MAN1C1: variants seen among roughly 807,000 people sequenced by gnomAD.
MAN1C1 encodes mannosidase alpha class 1C member 1.
MAN1C1 carries 49 observed loss-of-function variants against 71.5 expected under a neutral mutation model. The observed-to-expected ratio is 0.69, with a 90% confidence interval of 0.54 to 0.87. The LOEUF is 0.87. Ranked by LOEUF, MAN1C1 falls within the 40% of genes least tolerant of loss-of-function variation. The pLI is 0.00. For synonymous variants in MAN1C1, 352 were observed against 343.7 expected, an observed-to-expected ratio of 1.02 and a Z score of -0.27; for missense variants, 743 against 835.0, an observed-to-expected ratio of 0.89 and a Z score of 1.36.
intron 2 of MAN1C1, among the ~76,000 whole-genome samples, chr1:25,733,760 C>T (rs1323618244): frequency 6.6e-6 from 1 of 152,010 alleles, no homozygotes; most frequent in Non-Finnish European, 1.5e-5. Flanking sequence ...AAGAGGGGGA[C>T]AATGAGTTTT....
intron 2 of MAN1C1, among the ~76,000 whole-genome samples, chr1:25,732,939 G>A (rs1458892169): frequency 6.6e-6 from 1 of 152,152 alleles, no homozygotes; most frequent in East Asian, 1.9e-4. Flanking sequence ...GGCCGTGTTT[G>A]CCATGATCAA....
Position 25,709,119 on chromosome 1 carries a change from G to C in MAN1C1, c.637+22583G>C, listed in dbSNP as rs149419834. ...GGCACTAAGCCAGGGAGGGTTGAAG[G>C]GGGTGGAAGATCATCAGGGAGAGAG... is the stretch of plus-strand genomic sequence containing the variant. On this transcript the variant is annotated intron_variant, in intron 2 of 11. Transcript: ENST00000374332. Among the ~76,000 whole-genome samples, 226 of 152,260 alleles carry C rather than the reference G, an allele frequency of 1.5e-3. 1 individual carries two copies. Among genetic ancestry groups the C allele is most frequent in the East Asian group, 5.2e-3 (27 of 5,176 alleles).
At chr1:25,671,441 GGGAATA>G (rs2045991379) in intron 1 of MAN1C1, among the ~76,000 whole-genome samples, 1 of 152,178 alleles carries the variant, frequency 6.6e-6, no homozygotes, top group Admixed American at 6.5e-5. Flanking sequence ...GGATACAGAG[GGGAATA>G]GGTTCCAGCA....
intron 8 of MAN1C1, among the ~76,000 whole-genome samples, chr1:25,773,015 G>T (rs1039778505): frequency 2.0e-5 from 3 of 152,284 alleles, no homozygotes; most frequent in African/African-American, 7.2e-5. Flanking sequence ...ACATACTCAG[G>T]CTTATTCTCT....
intron 1 of MAN1C1, among the ~76,000 whole-genome samples, chr1:25,655,531 A>G (rs750443051): frequency 1.3e-5 from 2 of 152,210 alleles, no homozygotes; most frequent in Non-Finnish European, 2.9e-5. Context: ...GACAAGCACA[A>G]ATGGAAAACT....
At chr1:25,715,478 C>T (rs1042086764) in intron 2 of MAN1C1, among the ~76,000 whole-genome samples, 9 of 152,244 alleles carry the variant, frequency 5.9e-5, no homozygotes, top group Non-Finnish European at 1.2e-4. Flanking sequence ...CACTCCTTCT[C>T]TCAACGAATA....
intron 2 of MAN1C1, among the ~76,000 whole-genome samples, chr1:25,690,666 C>T (rs1369029107): frequency 6.6e-6 from 1 of 152,216 alleles, no homozygotes; most frequent in Non-Finnish European, 1.5e-5. Context: ...GCAGAAAGAG[C>T]ATGGGCTTTG....
At chr1:25,626,782 TA>T (rs2045301471) in intron 1 of MAN1C1, among the ~76,000 whole-genome samples, 1 of 152,222 alleles carries the variant, frequency 6.6e-6, no homozygotes, top group Admixed American at 6.5e-5. Flanking sequence ...ATATTCTAGA[TA>T]CAAGTTCTTT....
chr1:25,781,209 G>T (rs1303850236), intron 10 of MAN1C1, 97 bp downstream of exon 10: 18 of 1,325,316 alleles, frequency 1.4e-5, no homozygotes, highest in Non-Finnish European at 1.1e-6. Flanking sequence ...GGAGTGGAAG[G>T]CCAAGCCACG....
intron 2 of MAN1C1, among the ~76,000 whole-genome samples, chr1:25,734,324 T>A (rs965990261): frequency 6.6e-6 from 1 of 152,132 alleles, no homozygotes; most frequent in African/African-American, 2.4e-5. Flanking sequence ...AGATGGGGTT[T>A]CACCATGTTG....
chr1:25,677,875 A>G (rs1210281832), intron 1 of MAN1C1, among the ~76,000 whole-genome samples: 2 of 99,458 alleles, frequency 2.0e-5, no homozygotes, highest in Non-Finnish European at 3.7e-5. Context: ...TTTTTTTTTA[A>G]TCAAAACCTA....
chr1:25,617,842 G>C lies in MAN1C1; in HGVS notation c.45G>C (p.Trp15Cys). The C allele has an allele frequency of 1.2e-6, 2 of 1,606,094 alleles. No individual in the cohort carries two copies. Among genetic ancestry groups the C allele is most frequent in the Non-Finnish European group, 1.7e-6 (2 of 1,177,270 alleles). The stretch of plus-strand genomic sequence containing the variant: ...CCGGCTTCGTCCCGGCCTCCCCGTG[G>C]GGGCTGCGGCTGCCGCAGAAGTTCC... ...KVPGFVPASP[W>C]GLRLPQKFLF... Residue 15 changes from tryptophan to cysteine, a missense_variant, in exon 1 of 12, where the codon TGG (tryptophan) becomes TGC (cysteine). By Grantham distance (215) the Trp-to-Cys change is radical. Transcript: ENST00000374332. The surrounding 1 kb of genome is among the most constrained non-coding windows in gnomAD (Gnocchi z 5.1).
chr1:25,774,025 T>G (rs925131087), intron 8 of MAN1C1, among the ~76,000 whole-genome samples: 4 of 152,172 alleles, frequency 2.6e-5, no homozygotes, highest in South Asian at 4.1e-4. Context: ...TAGTCAGGGT[T>G]GGGAACCACC....
At chr1:25,771,483 G>T (rs577266044) in intron 7 of MAN1C1, among the ~76,000 whole-genome samples, 174 bp from the exon 8 acceptor site, 3 of 152,164 alleles carry the variant, frequency 2.0e-5, no homozygotes, top group East Asian at 3.9e-4. Context: ...CCTCCAAGTC[G>T]CAGGCTGTGT....
chr1:25,722,171 T>C (rs962361962), intron 2 of MAN1C1, among the ~76,000 whole-genome samples: 4 of 152,354 alleles, frequency 2.6e-5, no homozygotes, highest in East Asian at 1.9e-4. Context: ...TCGTCATTTG[T>C]ATGTGAACTG....
chr1:25,750,343 A>G (rs1324697871), intron 4 of MAN1C1, among the ~76,000 whole-genome samples: 2 of 152,172 alleles, frequency 1.3e-5, no homozygotes, highest in Admixed American at 6.5e-5. Context: ...AGGTTGGCTG[A>G]GTCCCCAAAA....
chr1:25,749,222 C>T (rs759532092), intron 3 of MAN1C1, 33 bp from the exon 4 acceptor site: 4 of 1,583,596 alleles, frequency 2.5e-6, no homozygotes, highest in Non-Finnish European at 3.5e-6. Context: ...TACAAGTGTC[C>T]CCACTGTCCC....
chr1:25,638,913 A>C (rs1311575407), intron 1 of MAN1C1, among the ~76,000 whole-genome samples: 5 of 151,952 alleles, frequency 3.3e-5, no homozygotes, highest in Non-Finnish European at 7.4e-5. Context: ...TTTTTTCATC[A>C]GTTTGGAAAA....
At chr1:25,668,559 CT>C (rs1553184749) in intron 1 of MAN1C1, among the ~76,000 whole-genome samples, 168 of 141,432 alleles carry the variant, frequency 1.2e-3, no homozygotes, top group Non-Finnish European at 1.2e-3. Flanking sequence ...TTCTTTCTTT[CT>C]TTTTTTTTTT....
Sources: gnomAD v4.1 joint callset for allele counts (sites outside exome capture counted in the v4.1 genomes callset) on GRCh38, gnomAD v4.1.1 for gene constraint, Gnocchi (gnomAD v3.1) non-coding constraint, MANE v1.5 for transcripts, NCBI Gene and HGNC (gene_info 2026-07-23, HGNC 2026-07-21) for gene names.